Variants in WDR72 observed in about 807,000 individuals in gnomAD.
WDR72 encodes WD repeat-containing protein 72.
In WDR72, 120 loss-of-function variants were observed where a neutral mutation model predicts 124.2. That is an observed-to-expected ratio of 0.97 (90% CI 0.83 to 1.12). The LOEUF (loss-of-function observed/expected upper bound fraction) is 1.12, where lower values mean the gene tolerates loss of function less well. WDR72 is among the 50% of genes most tolerant of loss of function. WDR72 has a pLI of 0.00. For synonymous variants in WDR72, 452 were observed against 441.7 expected, an observed-to-expected ratio of 1.02 and a Z score of -0.29; for missense variants, 1,387 against 1,278.8, an observed-to-expected ratio of 1.08 and a Z score of -1.29.
At chr15:53,562,185 G>A (rs1450210333) in intron 18 of WDR72, among the ~76,000 whole-genome samples, 2 of 151,776 alleles carry the variant, frequency 1.3e-5, no homozygotes, top group African/African-American at 4.8e-5. Flanking sequence ...TTAATTAGTA[G>A]TAGAACATCC....
chr15:53,631,464 G>A (rs376214196), intron 14 of WDR72, among the ~76,000 whole-genome samples: 1 of 152,176 alleles, frequency 6.6e-6, no homozygotes, highest in Non-Finnish European at 1.5e-5. Flanking sequence ...TTGTCACTGA[G>A]GAGTGGAGCA....
In WDR72 at chr15:53,609,612, AC is replaced by A. The variant is rs775059440; in HGVS notation, c.2873-21del. 6.3e-7 allele frequency: 1 copy of A among 1,592,082 alleles called. No homozygotes were observed. Among genetic ancestry groups the A allele is most frequent in the South Asian group, 1.1e-5 (1 of 90,622 alleles). On this transcript the variant is annotated intron_variant, in intron 16 of 19. Transcript: ENST00000360509. ...TCTTACCTAGAAATATACAGAACAC[AC>A]TTGTATCTTTAGAGTATTAAAAATG...
rs182107760 is a variant in WDR72 at position 53,611,397 on chromosome 15, T to C, written c.2873-1805A>G. The stretch of plus-strand genomic sequence containing the variant: ...ACCCATAGGAAAAGCAGGGGCCTCC[T>C]TGATTCTGGTTAGCAATCCCCTGTC... On this transcript the variant is annotated intron_variant, in intron 16 of 19. Transcript: ENST00000360509. 2.3e-4 allele frequency among the ~76,000 whole-genome samples: 35 copies of C among 152,176 alleles called. No individual in the cohort carries two copies. In the East Asian group the frequency reaches 4.8e-3, roughly 21 times the overall value.
At chr15:53,568,581 T>C (rs1894385843) in intron 18 of WDR72, among the ~76,000 whole-genome samples, 1 of 152,066 alleles carries the variant, frequency 6.6e-6, no homozygotes, top group Admixed American at 6.6e-5. Context: ...TTGCTCCCCA[T>C]TGTCACTAAG....
At chr15:53,679,825 T>C (rs751857661) in intron 13 of WDR72, among the ~76,000 whole-genome samples, 54 of 152,210 alleles carry the variant, frequency 3.5e-4, no homozygotes, top group Non-Finnish European at 6.5e-4. Context: ...CATAGGAATT[T>C]AGAATTCATG....
chr15:53,634,380 G>A (rs1231346907), intron 14 of WDR72, among the ~76,000 whole-genome samples: 1 of 152,176 alleles, frequency 6.6e-6, no homozygotes, highest in African/African-American at 2.4e-5. Flanking sequence ...AGAAAAGCCT[G>A]TCCCCTCTAA....
At chr15:53,637,425 C>T (rs995588020) in intron 14 of WDR72, among the ~76,000 whole-genome samples, 19 of 152,142 alleles carry the variant, frequency 1.2e-4, no homozygotes, top group African/African-American at 4.3e-4. Flanking sequence ...GGCTGCACAG[C>T]ACCACTGGAG....
In WDR72 at chr15:53,687,355, C is replaced by T. The variant is rs866558761; in HGVS notation, c.1765+12395G>A. Among the ~76,000 whole-genome samples the T allele has an allele frequency of 9.6e-3, 1,442 of 149,746 alleles. 21 individuals carry two copies. Among genetic ancestry groups the T allele is most frequent in the Middle Eastern group, 0.02 (6 of 294 alleles). ...AAAAAAGAGAGAAGAATCAAATAGA[C>T]GCAATAAAAAATGATAAAGGGGATA... On this transcript the variant is annotated intron_variant, in intron 13 of 19. Transcript: ENST00000360509.
At chr15:53,648,096 C>T (rs1216608865) in intron 14 of WDR72, among the ~76,000 whole-genome samples, 1 of 152,106 alleles carries the variant, frequency 6.6e-6, no homozygotes, top group East Asian at 1.9e-4. Flanking sequence ...TTTGAATAGA[C>T]ACGTCATGAT....
intron 2 of WDR72, among the ~76,000 whole-genome samples, chr15:53,726,552 T>C (rs2018044097): frequency 6.6e-6 from 1 of 152,148 alleles, no homozygotes; most frequent in African/African-American, 2.4e-5. Context: ...TTTTAAAATA[T>C]CGATGCTGGC....
At chr15:53,568,466 C>T (rs184822563) in intron 18 of WDR72, among the ~76,000 whole-genome samples, 19 of 152,026 alleles carry the variant, frequency 1.2e-4, no homozygotes, top group Admixed American at 1.1e-3. Context: ...CCTGTTCATT[C>T]AACAGGCTTA....
At chr15:53,660,908 G>T (rs981850442) in intron 14 of WDR72, among the ~76,000 whole-genome samples, 2 of 152,156 alleles carry the variant, frequency 1.3e-5, no homozygotes, top group Admixed American at 1.3e-4. Context: ...GATATGGAGG[G>T]AAAAGGGAGG....
chr15:53,579,140 T>G (rs1337837367), intron 18 of WDR72, among the ~76,000 whole-genome samples: 1 of 152,070 alleles, frequency 6.6e-6, no homozygotes. Context: ...CCAGGTGTGG[T>G]GTATGGTCAC....
At chr15:53,526,569 CCTTG>C (rs1956881813) in intron 18 of WDR72, among the ~76,000 whole-genome samples, 1 of 152,006 alleles carries the variant, frequency 6.6e-6, no homozygotes, top group Admixed American at 6.6e-5. Flanking sequence ...ACAGGTTTTT[CCTTG>C]CTTTAGATAG....
At chr15:53,651,460 C>G (rs2015237568) in intron 14 of WDR72, among the ~76,000 whole-genome samples, 2 of 152,164 alleles carry the variant, frequency 1.3e-5, no homozygotes, top group Non-Finnish European at 2.9e-5. Context: ...AGAAGAGTGC[C>G]TGGTACATAG....
At chr15:53,587,795 G>A (rs928642903) in intron 18 of WDR72, among the ~76,000 whole-genome samples, 3 of 152,038 alleles carry the variant, frequency 2.0e-5, no homozygotes, top group African/African-American at 7.2e-5. Context: ...TAGATTGGCA[G>A]GGCTGCCTGG....
intron 18 of WDR72, among the ~76,000 whole-genome samples, chr15:53,585,564 C>G (rs1036642888): frequency 1.3e-5 from 2 of 151,984 alleles, no homozygotes; most frequent in Non-Finnish European, 1.5e-5. Flanking sequence ...AATTGGTATG[C>G]CTTTTCTCCT....
At position 53,514,642 on chromosome 15, in the gene WDR72, C is replaced by A. The variant is rs527974839; in HGVS notation, c.*3057G>T. Reference sequence around the variant, plus strand: ...TCTAATACCATCATGTTCAAAGCAGCCTTAATTTAGTTTCTAAAATAGTAA... The same window carrying A: ...TCTAATACCATCATGTTCAAAGCAGACTTAATTTAGTTTCTAAAATAGTAA... On this transcript the variant is annotated 3_prime_UTR_variant, in exon 20 of 20. Coordinates refer to ENST00000360509, the MANE Select transcript of WDR72 (RefSeq NM_182758.4). 1.3e-5 allele frequency: 2 copies of A among 152,136 alleles called. No homozygotes were observed. The highest frequency in any genetic ancestry group is 4.8e-5 in the African/African-American group (2 of 41,516). 9.4% of individuals were successfully genotyped at this position (152,136 alleles called of 1,614,324 possible).
chr15:53,691,513 C>T (rs1249999576), intron 13 of WDR72, among the ~76,000 whole-genome samples: 4 of 152,110 alleles, frequency 2.6e-5, no homozygotes, highest in Non-Finnish European at 5.9e-5. Flanking sequence ...CTTTGATACA[C>T]AAAAGTTTTT....
Sources: gnomAD v4.1 joint callset for allele counts (sites outside exome capture counted in the v4.1 genomes callset) on GRCh38, gnomAD v4.1.1 for gene constraint, MANE v1.5 for transcripts, NCBI Gene and HGNC (gene_info 2026-07-23, HGNC 2026-07-21) for gene names.